Variants in PLOD1 observed in about 807,000 individuals in gnomAD.
PLOD1 encodes lysine hydroxylase.
A neutral mutation model predicts 94.7 loss-of-function variants in PLOD1; 70 were observed. The observed-to-expected ratio is 0.74, with a 90% CI of 0.61 to 0.90. The LOEUF is 0.90. Ranked by LOEUF, PLOD1 falls within the 40% of genes least tolerant of loss-of-function variation. The pLI is 0.00. For missense variants in PLOD1, 905 were observed against 972.7 expected (o/e 0.93, Z 0.93); for synonymous variants, 417 against 400.2 (o/e 1.04, Z -0.50).
chr1:11,937,748 G>C (rs971806127), intron 1 of PLOD1, among the ~76,000 whole-genome samples: 2 of 152,062 alleles, frequency 1.3e-5, no homozygotes, highest in African/African-American at 4.8e-5. Context: ...TATGGGCGGA[G>C]GACAGGATCA....
intron 18 of PLOD1, 137 bp downstream of exon 18, chr1:11,973,134 T>C (rs1645878706): frequency 1.1e-6 from 1 of 884,990 alleles, no homozygotes; most frequent in Non-Finnish European, 1.8e-6. Flanking sequence ...AGGATGTGGG[T>C]CTGTGGGAGG....
In PLOD1 at chr1:11,963,238, C is replaced by T. The variant is rs1645791258; in HGVS notation, c.1098-294C>T. Among the ~76,000 whole-genome samples the T allele has an allele frequency of 6.6e-6, 1 of 152,138 alleles. No individual in the cohort carries two copies. The highest frequency in any genetic ancestry group is 2.1e-4 in the South Asian group (1 of 4,832). On this transcript the variant is annotated intron_variant, in intron 10 of 18. Transcript: ENST00000196061. This position sits in a 1 kb window ranked among gnomAD's most constrained non-coding sequence, Gnocchi z 4.3. The stretch of plus-strand genomic sequence containing the variant: ...ACCAAATTGCATTTCAGAAAGGCAG[C>T]CCCAGCTTACTCCCCACCCTGGGCC...
In PLOD1 at chr1:11,965,462, C is replaced by T. The variant is rs368968576; in HGVS notation, c.1471-18C>T. 4.7e-5 allele frequency: 71 copies of T among 1,508,170 alleles called. No individual in the cohort carries two copies. The highest frequency in any genetic ancestry group is 1.7e-4 in the Middle Eastern group (1 of 5,874). 93.4% of individuals were successfully genotyped at this position (1,508,170 alleles called of 1,614,324 possible). ...AGGGGTGGGGGAGCGCCTCTTCCAC[C>T]GGGCCTGTCCTCCCCAGGATGTGTT... On this transcript the variant is annotated intron_variant, in intron 13 of 18. Transcript: ENST00000196061.
At position 11,964,210 on chromosome 1, in the gene PLOD1, G is replaced by A. The variant is rs746696317; in HGVS notation, c.1238G>A (p.Arg413Lys). ...GCCCCGCTGATGACCCGGCATGGGA[G>A]GCTGTGGTCGAACTTCTGGGGGGCT... ...VIAPLMTRHG[R>K]LWSNFWGALS... is the part of the protein sequence containing the mutation. Residue 413 changes from arginine to lysine, a missense_variant, in exon 12 of 19, where the codon AGG becomes AAG. Coordinates refer to ENST00000196061, the MANE Select transcript of PLOD1 (RefSeq NM_000302.4). 6.2e-7 allele frequency: 1 copy of A among 1,613,890 alleles called. No homozygotes were observed. The highest frequency in any genetic ancestry group is 8.5e-7 in the Non-Finnish European group (1 of 1,179,928).
At chr1:11,954,928 G>A in intron 6 of PLOD1, 35 bp downstream of exon 6, 1 of 1,515,186 alleles carries the variant, frequency 6.6e-7, no homozygotes, top group Non-Finnish European at 9.2e-7. Context: ...TGGATCCTCA[G>A]AGGGGTGATA....
At chr1:11,952,559 G>C in intron 4 of PLOD1, 64 bp from the exon 5 acceptor site, 1 of 1,128,254 alleles carries the variant, frequency 8.9e-7, no homozygotes. Flanking sequence ...GGTGGGAGGA[G>C]GCCCCTGACT....
At chr1:11,973,747 A>G (rs1185834204) in intron 18 of PLOD1, among the ~76,000 whole-genome samples, 1 of 151,460 alleles carries the variant, frequency 6.6e-6, no homozygotes, top group Non-Finnish European at 1.5e-5. Flanking sequence ...TGGCCAGCTA[A>G]TTTTTTTTCT....
intron 5 of PLOD1, 82 bp from the exon 6 acceptor site, chr1:11,954,746 CAG>C (rs1645726289): frequency 9.6e-7 from 1 of 1,037,386 alleles, no homozygotes; most frequent in Non-Finnish European, 1.5e-6. Flanking sequence ...AACTTGGGGA[CAG>C]ATTCCCCACA....
At chr1:11,945,692 C>A (rs1043393700) in intron 1 of PLOD1, among the ~76,000 whole-genome samples, 1 of 151,366 alleles carries the variant, frequency 6.6e-6, no homozygotes, top group Non-Finnish European at 1.5e-5. Flanking sequence ...ACCAGTAATA[C>A]CTCTTTATTT....
intron 1 of PLOD1, among the ~76,000 whole-genome samples, chr1:11,938,803 T>C (rs1490425822): frequency 2.0e-5 from 3 of 152,018 alleles, no homozygotes; most frequent in African/African-American, 4.8e-5. Flanking sequence ...GTTTTCACTT[T>C]TGGGGGCTCC....
intron 1 of PLOD1, among the ~76,000 whole-genome samples, chr1:11,940,705 G>T (rs1002020657): frequency 6.6e-6 from 1 of 152,226 alleles, no homozygotes; most frequent in African/African-American, 2.4e-5. Flanking sequence ...AGGGCTGAGA[G>T]CTCTGGGTGC....
chr1:11,949,118 CCA>C (rs1249027169), intron 2 of PLOD1, among the ~76,000 whole-genome samples: 2 of 152,142 alleles, frequency 1.3e-5, no homozygotes, highest in Admixed American at 1.3e-4. Context: ...TGACCACCAG[CCA>C]CAGATTCATG....
chr1:11,972,888 C>T lies in PLOD1; in HGVS notation c.1919C>T (p.Ala640Val), dbSNP rs1372133493. The change falls in exon 18 of 19, where the codon GCC becomes GTC. Residue 640 changes from alanine to valine, a missense_variant. Physicochemically the swap from Ala to Val is moderately conservative, Grantham distance 64 (BLOSUM62 0). Transcript: ENST00000196061. This position sits in a 1 kb window ranked among gnomAD's most constrained non-coding sequence, Gnocchi z 4.6. ...GYYTRAQFDLAFVVRYKPDEQ... is the reference protein window; with the variant it reads ...GYYTRAQFDLVFVVRYKPDEQ... The stretch of plus-strand genomic sequence containing the variant: ...TTGGTACAGGCCCAGTTTGACCTGG[C>T]CTTTGTCGTCCGCTACAAGCCTGAT... 5 of 1,614,038 alleles carry T rather than the reference C, an allele frequency of 3.1e-6. No individual in the cohort carries two copies. Among genetic ancestry groups the T allele is most frequent in the Non-Finnish European group, 4.2e-6 (5 of 1,179,952 alleles).
Position 11,950,462 on chromosome 1 carries a change from C to T in PLOD1, c.408C>T (p.Arg136=). The T allele has an allele frequency of 6.2e-7, 1 of 1,614,144 alleles. No homozygotes were observed. Among genetic ancestry groups the T allele is most frequent in the African/African-American group, 1.3e-5 (1 of 75,058 alleles). The change falls in exon 4 of 19, where the codon CGC becomes CGT. Residue 136 remains arginine (R), a synonymous_variant. Transcript: ENST00000196061. ...CTGAGGAGCTCATCTACCCAGACCG[C>T]AGGCTGGAGACCAAGTATCCGGTGG... ...FSAEELIYPD[R]RLETKYPVVS... is the part of the protein sequence containing the mutation.
At chr1:11,956,215 C>G (rs1408402614) in intron 6 of PLOD1, among the ~76,000 whole-genome samples, 1 of 152,026 alleles carries the variant, frequency 6.6e-6, no homozygotes, top group Non-Finnish European at 1.5e-5. Context: ...GAAACCCCGT[C>G]TCTACTAAAA....
chr1:11,956,930 C>G lies in PLOD1; in HGVS notation c.657C>G (p.Leu219=). ...NLDGALDEVV[L]KFEMGHVRAR... is the part of the protein sequence containing the mutation. Reference sequence around the variant, plus strand: ...TCTGACCCCCAGATGAGGTCGTGCTCAAGTTTGAAATGGGCCATGTGAGAG... The same window carrying G: ...TCTGACCCCCAGATGAGGTCGTGCTGAAGTTTGAAATGGGCCATGTGAGAG... Residue 219 remains leucine, a synonymous_variant, in exon 7 of 19, where the codon CTC becomes CTG. Coordinates refer to ENST00000196061, the MANE Select transcript of PLOD1 (RefSeq NM_000302.4). The G allele has an allele frequency of 1.2e-6, 2 of 1,613,196 alleles. No individual in the cohort carries two copies. The highest frequency in any genetic ancestry group is 1.7e-6 in the Non-Finnish European group (2 of 1,179,240).
chr1:11,972,795 T>A lies in PLOD1; in HGVS notation c.1903-77T>A, dbSNP rs866830851. On this transcript the variant is annotated intron_variant, in intron 17 of 18. Transcript: ENST00000196061. This position sits in a 1 kb window ranked among gnomAD's most constrained non-coding sequence, Gnocchi z 4.6. The stretch of plus-strand genomic sequence containing the variant: ...CTGCAGCAGGCCAGACCAGGCCCCA[T>A]GTGTGCACCCTCCTCTCCTGGCCTT... 6.4e-7 allele frequency: 1 copy of A among 1,554,306 alleles called. No individual in the cohort carries two copies. The highest frequency in any genetic ancestry group is 1.1e-5 in the South Asian group (1 of 89,606).
Position 11,948,209 on chromosome 1 carries a change from GAGTT to G in PLOD1, c.168+146_168+149del, listed in dbSNP as rs1183805898. 17 of 705,212 alleles carry G rather than the reference GAGTT, an allele frequency of 2.4e-5. No homozygotes were observed. In the East Asian group the frequency reaches 3.4e-4, roughly 14 times the overall value. 43.7% of individuals were successfully genotyped at this position (705,212 alleles called of 1,614,324 possible). On this transcript the variant is annotated intron_variant, in intron 2 of 18. Coordinates refer to ENST00000196061, the MANE Select transcript of PLOD1 (RefSeq NM_000302.4). ...TTCTGGAAGCCTGAAGGATGAAAAT[GAGTT>G]AGTCGGGAATGGGAAGACACAGCAG...
rs528097306 is a variant in PLOD1 at position 11,953,507 on chromosome 1, A to G, written c.579+772A>G. ...TGTTTTTTCCGTTATGAAATGCAAT[A>G]ATGGGCCAGACCCAGTGGCTCATGC... On this transcript the variant is annotated intron_variant, in intron 5 of 18. Coordinates refer to ENST00000196061, the MANE Select transcript of PLOD1 (RefSeq NM_000302.4). Among the ~76,000 whole-genome samples the G allele has an allele frequency of 2.0e-5, 3 of 151,998 alleles. No individual in the cohort carries two copies. The East Asian group carries it at 5.8e-4, about 30-fold the overall frequency.
Sources: allele counts gnomAD v4.1 joint callset (sites outside exome capture counted in the v4.1 genomes callset), GRCh38; gene constraint gnomAD v4.1.1; non-coding constraint Gnocchi (gnomAD v3.1); transcripts MANE v1.5; gene names NCBI Gene and HGNC (gene_info 2026-07-23, HGNC 2026-07-21).